The following WLS variants were observed in gnomAD, a reference collection of about 807,000 sequenced individuals.
WLS encodes the protein protein wntless homolog.
WLS carries 23 observed loss-of-function variants against 62.8 expected under a neutral mutation model. That is an observed-to-expected ratio of 0.37 (90% confidence interval 0.26 to 0.52). WLS has a LOEUF of 0.52. Among genes scored for constraint, WLS ranks in the 20% least tolerant of loss-of-function variants. The pLI is 0.92. For synonymous variants in WLS, 246 were observed against 244.1 expected, an observed-to-expected ratio of 1.01 and a Z score of -0.07; for missense variants, 615 against 697.3, an observed-to-expected ratio of 0.88 and a Z score of 1.33.
At chr1:68,220,532 T>G (rs1247956964) in intron 1 of WLS, among the ~76,000 whole-genome samples, 2 of 152,212 alleles carry the variant, frequency 1.3e-5, no homozygotes, top group Admixed American at 6.5e-5. Context: ...AAAGCAAGTT[T>G]GATAACAAAG....
intron 2 of WLS, among the ~76,000 whole-genome samples, chr1:68,182,144 A>G (rs535637637): frequency 6.6e-6 from 1 of 152,364 alleles, no homozygotes; most frequent in African/African-American, 2.4e-5. Flanking sequence ...AACTAGATAT[A>G]CCAAACTATA....
At chr1:68,120,860 A>G (rs1646356226), downstream of WLS, among the ~76,000 whole-genome samples, 1 of 152,258 alleles carries the variant, frequency 6.6e-6, no homozygotes, top group Admixed American at 6.5e-5. Flanking sequence ...TTGTACTTGG[A>G]AAAGACTTAA....
chr1:68,117,291 T>A (rs1646304989), intron 11 of WLS, among the ~76,000 whole-genome samples: 1 of 152,174 alleles, frequency 6.6e-6, no homozygotes, highest in Non-Finnish European at 1.5e-5. Context: ...CTAAACCTAG[T>A]ATAATTTTTT....
chr1:68,193,773 A>C, intron 2 of WLS, 182 bp downstream of exon 2: 1 of 743,708 alleles, frequency 1.3e-6, no homozygotes. Flanking sequence ...TACCTCAAGG[A>C]ACCTGGTGGG....
At chr1:68,136,941 T>C (rs538934910) in intron 11 of WLS, among the ~76,000 whole-genome samples, 14 of 152,166 alleles carry the variant, frequency 9.2e-5, no homozygotes, top group Non-Finnish European at 1.9e-4. Flanking sequence ...CTTCCTATGT[T>C]TGGGGAATAG....
chr1:68,178,480 G>C lies in WLS; in HGVS notation c.379+15475C>G, dbSNP rs559791275. 1.3e-4 allele frequency among the ~76,000 whole-genome samples: 20 copies of C among 152,164 alleles called. No individual in the cohort carries two copies. In the South Asian group the frequency reaches 2.9e-3, roughly 22 times the overall value. The stretch of plus-strand genomic sequence containing the variant: ...CTTTGGGACTTTGGGAAGCCGAGGT[G>C]GGCAGATCACAAGGTCAGGAGTTTG... On this transcript the variant is annotated intron_variant, in intron 2 of 11. Coordinates refer to ENST00000262348, the MANE Select transcript of WLS (RefSeq NM_024911.7).
chr1:68,129,750 G>C (rs1646490976), intron 11 of WLS, among the ~76,000 whole-genome samples: 1 of 152,130 alleles, frequency 6.6e-6, no homozygotes, highest in Non-Finnish European at 1.5e-5. Context: ...CCATCTGTTA[G>C]TTTCCCCCTC....
chr1:68,148,772 AC>A, intron 6 of WLS, 112 bp from the exon 7 acceptor site: 5 of 890,520 alleles, frequency 5.6e-6, no homozygotes, highest in African/African-American at 1.7e-5. Flanking sequence ...TGTATCAAGC[AC>A]TATGCTAGAT....
downstream of WLS, among the ~76,000 whole-genome samples, chr1:68,122,146 GATAAA>G (rs1260250269): frequency 1.3e-5 from 2 of 152,206 alleles, no homozygotes; most frequent in African/African-American, 4.8e-5. Flanking sequence ...TGAAAGAGTA[GATAAA>G]ATATAGTTTC....
Position 68,148,168 on chromosome 1 carries a change from T to C in WLS, c.1102A>G (p.Ile368Val), listed in dbSNP as rs1646777384. The C allele has an allele frequency of 1.2e-6, 2 of 1,614,060 alleles. No individual in the cohort carries two copies. Among genetic ancestry groups the C allele is most frequent in the African/African-American group, 2.7e-5 (2 of 74,916 alleles). The change falls in exon 8 of 12, where the codon ATC becomes GTC. Residue 368 changes from isoleucine to valine, a missense_variant. Physicochemically the swap from Ile to Val is conservative, Grantham distance 29 (BLOSUM62 3). Transcript: ENST00000262348. Reference sequence around the variant, plus strand: ...TCTGTTCCAATGTCTGTAGTCCAGATACTGTAGAAGGGATTCGTGAGTTGT... The same window carrying C: ...TCTGTTCCAATGTCTGTAGTCCAGACACTGTAGAAGGGATTCGTGAGTTGT... ...GVQLTNPFYS[I>V]WTTDIGTELA... is the part of the protein sequence containing the mutation.
intron 8 of WLS, among the ~76,000 whole-genome samples, chr1:68,146,876 C>T (rs1646759046): frequency 6.6e-6 from 1 of 152,034 alleles, no homozygotes; most frequent in African/African-American, 2.4e-5. Context: ...TCTGCTACAA[C>T]TTTGCCCAAA....
At chr1:68,104,750 C>A (rs1322354977) in intron 11 of WLS, among the ~76,000 whole-genome samples, 1 of 152,124 alleles carries the variant, frequency 6.6e-6, no homozygotes, top group Non-Finnish European at 1.5e-5. Context: ...CTCATCTCTA[C>A]TAAAAATAAT....
intron 2 of WLS, among the ~76,000 whole-genome samples, chr1:68,174,856 T>C (rs190071354): frequency 2.2e-4 from 33 of 152,336 alleles, no homozygotes; most frequent in African/African-American, 7.2e-4. Flanking sequence ...AGGAAGCAAG[T>C]TGGGCCTGTT....
In WLS at chr1:68,173,024, C is replaced by T. The variant is rs1419976401; in HGVS notation, c.380-13777G>A. Among the ~76,000 whole-genome samples the T allele has an allele frequency of 1.2e-4, 18 of 152,292 alleles. No individual in the cohort carries two copies. The South Asian group carries it at 2.3e-3, about 19-fold the overall frequency. ...ATGGGGGGCCAGGTAGACAAAGAGA[C>T]ATCCTAAGGAAACTGAGGCCCACTG... is the stretch of plus-strand genomic sequence containing the variant. On this transcript the variant is annotated intron_variant, in intron 2 of 11. Transcript: ENST00000262348.
intron 2 of WLS, chr1:68,161,640 C>T: frequency 1.2e-6 from 1 of 809,542 alleles, no homozygotes; most frequent in Non-Finnish European, 2.0e-6. Context: ...ATCAATGATG[C>T]ATAAGTCCAG....
intron 2 of WLS, among the ~76,000 whole-genome samples, chr1:68,168,586 G>T (rs1378413126): frequency 1.3e-5 from 2 of 152,196 alleles, no homozygotes; most frequent in African/African-American, 4.8e-5. Flanking sequence ...AATCAGGAAT[G>T]ATTTTATGGT....
intron 10 of WLS, among the ~76,000 whole-genome samples, chr1:68,140,391 A>G (rs2100432538): frequency 6.6e-6 from 1 of 152,370 alleles, no homozygotes; most frequent in East Asian, 1.9e-4. Context: ...AATTCACTTC[A>G]TTGCCCATAA....
At chr1:68,184,360 C>G (rs1010505661) in intron 2 of WLS, among the ~76,000 whole-genome samples, 1 of 152,130 alleles carries the variant, frequency 6.6e-6, no homozygotes, top group Non-Finnish European at 1.5e-5. Context: ...TTAGCCAACC[C>G]AAACCTTTCT....
chr1:68,229,444 C>A (rs919434276), intron 1 of WLS, among the ~76,000 whole-genome samples: 5 of 152,170 alleles, frequency 3.3e-5, no homozygotes, highest in African/African-American at 4.8e-5. Context: ...ACACCCAGGA[C>A]AACTGACTTT....
Sources: gnomAD v4.1 joint callset for allele counts (sites outside exome capture counted in the v4.1 genomes callset) on GRCh38, gnomAD v4.1.1 for gene constraint, MANE v1.5 for transcripts, NCBI Gene and HGNC (gene_info 2026-07-23, HGNC 2026-07-21) for gene names.